CYP4A22: variants seen among roughly 807,000 people sequenced by gnomAD.
CYP4A22 encodes cytochrome P450 4A22.
Under a neutral mutation model 56.2 loss-of-function variants are expected in CYP4A22, and 46 were observed. That is an observed-to-expected ratio of 0.82 (90% CI 0.65 to 1.05). CYP4A22 has a LOEUF of 1.05. Among genes scored for constraint, CYP4A22 ranks in the 50% least tolerant of loss-of-function variants. The probability of loss-of-function intolerance (pLI) is 0.00; values close to 1 mark genes in which losing one functional copy is unlikely to be tolerated. For missense variants in CYP4A22, 541 were observed against 645.9 expected, an observed-to-expected ratio of 0.84 and a Z score of 1.76; for synonymous variants, 193 against 251.1, an observed-to-expected ratio of 0.77 and a Z score of 2.19.
intron 4 of CYP4A22, 97 bp from the exon 5 acceptor site, chr1:47,143,172 G>A: frequency 6.5e-7 from 1 of 1,535,504 alleles, no homozygotes; most frequent in South Asian, 1.3e-5. Flanking sequence ...CAAGCTACAG[G>A]AAAAAACAAG....
chr1:47,146,790 A>G, intron 11 of CYP4A22: 1 of 986,596 alleles, frequency 1.0e-6, no homozygotes, highest in South Asian at 4.7e-5. Flanking sequence ...GTGTTCACAT[A>G]TTTACATCTA....
At chr1:47,146,000 T>C in intron 10 of CYP4A22, 70 bp downstream of exon 10, 1 of 1,614,064 alleles carries the variant, frequency 6.2e-7, no homozygotes, top group Non-Finnish European at 8.5e-7. Flanking sequence ...CTTCCACCTC[T>C]GGGAGTACTG....
rs187300699 is a variant in CYP4A22 at position 47,141,819 on chromosome 1, T to A, written c.382+204T>A. 3.6e-3 allele frequency among the ~76,000 whole-genome samples: 555 copies of A among 152,298 alleles called. 2 individuals are homozygous for A. The highest frequency in any genetic ancestry group is 6.8e-3 in the Non-Finnish European group (463 of 68,020). ...GAGGCTCAGCTTCTTCCATTTCATG[T>A]CTCAGTTCTCTCCAGACATCCTTGG... On this transcript the variant is annotated intron_variant, in intron 3 of 11. Coordinates refer to ENST00000371891, the MANE Select transcript of CYP4A22 (RefSeq NM_001010969.4).
intron 9 of CYP4A22, 117 bp downstream of exon 9, chr1:47,145,087 C>A (rs2405597): frequency 3.4e-6 from 5 of 1,458,126 alleles, no homozygotes; most frequent in Admixed American, 5.1e-5. Flanking sequence ...GTTCTAAAAA[C>A]ATCAAAAACA....
chr1:47,139,185 G>A lies in CYP4A22; in HGVS notation c.195+1505G>A, dbSNP rs568278045. Among the ~76,000 whole-genome samples, 27 of 152,198 alleles carry A rather than the reference G, an allele frequency of 1.8e-4. No individual in the cohort carries two copies. In the South Asian group the frequency reaches 5.6e-3, roughly 32 times the overall value. On this transcript the variant is annotated intron_variant, in intron 1 of 11. Transcript: ENST00000371891. Reference sequence around the variant, plus strand: ...AATTATTTTCTCACTCATATCTATCGGTCAAGGCCCAGCACCAAGCTACCT... The same window carrying A: ...AATTATTTTCTCACTCATATCTATCAGTCAAGGCCCAGCACCAAGCTACCT...
Position 47,137,490 on chromosome 1 carries a change from G to A in CYP4A22, c.5G>A (p.Ser2Asn), listed in dbSNP as rs765156370. 4.3e-6 allele frequency: 7 copies of A among 1,612,166 alleles called. No individual in the cohort carries two copies. The highest frequency in any genetic ancestry group is 5.9e-6 in the Non-Finnish European group (7 of 1,178,832). M[S>N]VSVLSPSRRL... ...AGATCCAGCAGGTGCTGCACCATGA[G>A]TGTCTCTGTCCTGAGCCCCAGCAGA... is the stretch of plus-strand genomic sequence containing the variant. Residue 2 changes from serine to asparagine, a missense_variant, in exon 1 of 12, where the codon AGT (serine) becomes AAT (asparagine). Physicochemically the swap from Ser to Asn is conservative, Grantham distance 46 (BLOSUM62 1). Coordinates refer to ENST00000371891, the MANE Select transcript of CYP4A22 (RefSeq NM_001010969.4).
rs1224603267 is a variant in CYP4A22, at chr1:47,137,469, C to G, written c.-17C>G. 1 of 1,600,400 alleles carries G rather than the reference C, an allele frequency of 6.2e-7. No individual in the cohort carries two copies. The highest frequency in any genetic ancestry group is 1.3e-5 in the African/African-American group (1 of 74,702). ...GAGAGAGGAAGGGGCACTCAGAGATCCAGCAGGTGCTGCACCATGAGTGTC... is the reference window on the plus strand; with the variant it reads ...GAGAGAGGAAGGGGCACTCAGAGATGCAGCAGGTGCTGCACCATGAGTGTC... On this transcript the variant is annotated 5_prime_UTR_variant, in exon 1 of 12. It adds an upstream start codon to the 5' untranslated region. Transcript: ENST00000371891.
At chr1:47,140,562 T>A (rs1169438129) in intron 1 of CYP4A22, among the ~76,000 whole-genome samples, 1 of 152,170 alleles carries the variant, frequency 6.6e-6, no homozygotes, top group Non-Finnish European at 1.5e-5. Flanking sequence ...ATGGCTGACT[T>A]AAATTTCTGC....
intron 11 of CYP4A22, chr1:47,146,627 C>T (rs1318784778): frequency 2.7e-5 from 27 of 1,010,742 alleles, no homozygotes; most frequent in Non-Finnish European, 3.2e-5. Flanking sequence ...GAAATCTTTG[C>T]ATCTGTTTAT....
intron 4 of CYP4A22, among the ~76,000 whole-genome samples, chr1:47,142,673 G>T (rs1038961580): frequency 2.0e-5 from 3 of 152,192 alleles, no homozygotes; most frequent in East Asian, 3.9e-4. Context: ...GCCACCCTGG[G>T]AAGGAAATGA....
chr1:47,149,100 C>G lies in CYP4A22; in HGVS notation c.*303C>G. 3.6e-6 allele frequency: 1 copy of G among 274,872 alleles called. No homozygotes were observed. The highest frequency in any genetic ancestry group is 6.8e-6 in the Non-Finnish European group (1 of 147,516). The allele number at this position is 274,872 out of a possible 1,614,324, so 17.0% of individuals were successfully genotyped here. A position where few individuals can be genotyped will look rare whatever the true frequency, so the allele number is the denominator to read the frequency against. On this transcript the variant is annotated 3_prime_UTR_variant, in exon 12 of 12. Coordinates refer to ENST00000371891, the MANE Select transcript of CYP4A22 (RefSeq NM_001010969.4). The stretch of plus-strand genomic sequence containing the variant: ...ATGTCCAGGATCCAGGGTCTAAAAC[C>G]CCTTGTGGCCTTTGGAACACCAAGC...
Position 47,137,447 on chromosome 1 carries a change from A to G in CYP4A22, c.-39A>G, listed in dbSNP as rs2148551119. The G allele has an allele frequency of 1.3e-6, 2 of 1,581,106 alleles. No homozygotes were observed. Among genetic ancestry groups the G allele is most frequent in the Non-Finnish European group, 1.7e-6 (2 of 1,162,720 alleles). On this transcript the variant is annotated 5_prime_UTR_variant, in exon 1 of 12. Coordinates refer to ENST00000371891, the MANE Select transcript of CYP4A22 (RefSeq NM_001010969.4). ...CACAGGTGGACAGGGGTGGTCAGAG[A>G]GAGGAAGGGGCACTCAGAGATCCAG...
chr1:47,142,138 C>T lies in CYP4A22; in HGVS notation c.413C>T (p.Thr138Ile), dbSNP rs758588354. 3.1e-6 allele frequency: 5 copies of T among 1,613,854 alleles called. No individual in the cohort carries two copies. The highest frequency in any genetic ancestry group is 2.2e-5 in the East Asian group (1 of 44,864). ...GYGLLLLNGQ[T>I]WFQHRRMLTP... ...GGCTTGCTCCTGTTGAATGGGCAGA[C>T]ATGGTTCCAGCATCGACGGATGCTG... Residue 138 changes from threonine to isoleucine, a missense_variant, in exon 4 of 12, where the codon ACA (threonine) becomes ATA (isoleucine). By Grantham distance (89) the Thr-to-Ile change is moderately conservative. Coordinates refer to ENST00000371891, the MANE Select transcript of CYP4A22 (RefSeq NM_001010969.4).
rs1645056182 is a variant in CYP4A22 at position 47,144,730 on chromosome 1, T to C, written c.1078T>C (p.Ser360Pro). The change falls in exon 8 of 12, where the codon TCC becomes CCC. Residue 360 changes from serine (S) to proline (P), a missense_variant. Physicochemically the swap from Ser to Pro is moderately conservative, Grantham distance 74. Coordinates refer to ENST00000371891, the MANE Select transcript of CYP4A22 (RefSeq NM_001010969.4). ...CCATGGCCTCCTGGGTGATGGAGCC[T>C]CCATCACCTGGTGAGTGAGGGCTCA... ...EIHGLLGDGA[S>P]ITWNHLDQMP... 13 of 1,613,902 alleles carry C rather than the reference T, an allele frequency of 8.1e-6. No individual in the cohort carries two copies. The highest frequency in any genetic ancestry group is 1.1e-5 in the Non-Finnish European group (13 of 1,179,888).
chr1:47,139,201 C>A (rs1644979900), intron 1 of CYP4A22, among the ~76,000 whole-genome samples: 1 of 152,208 alleles, frequency 6.6e-6, no homozygotes, highest in Admixed American at 6.5e-5. Context: ...GGCCCAGCAC[C>A]AAGCTACCTT....
At chr1:47,145,695 C>T (rs1461546584) in intron 9 of CYP4A22, among the ~76,000 whole-genome samples, 171 bp from the exon 10 acceptor site, 1 of 152,194 alleles carries the variant, frequency 6.6e-6, no homozygotes, top group Non-Finnish European at 1.5e-5. Context: ...CATCTGAACT[C>T]ACATGCTTTG....
rs199782847 is a variant in CYP4A22 at position 47,146,092 on chromosome 1, C to A, written c.1303C>A (p.Arg435Ser). 6.2e-7 allele frequency: 1 copy of A among 1,614,162 alleles called. No individual in the cohort carries two copies. Among genetic ancestry groups the A allele is most frequent in the Non-Finnish European group, 8.5e-7 (1 of 1,180,030 alleles). Reference protein sequence around the residue: ...WPNLEVFDPSRFAPGSAQHSH... With the variant: ...WPNLEVFDPSSFAPGSAQHSH... ...CTCTCTGCAGGTGTTTGACCCTTCC[C>A]GTTTTGCACCGGGTTCTGCTCAACA... Residue 435 changes from arginine to serine, a missense_variant, in exon 11 of 12, where the codon CGT becomes AGT. By Grantham distance (110) the Arg-to-Ser change is moderately radical. Around this residue, in one of 3 missense-constraint regions of CYP4A22, gnomAD observed 204 missense variants for 258.9 expected, o/e 0.79. Transcript: ENST00000371891.
At chr1:47,140,963 C>A in intron 2 of CYP4A22, 42 bp downstream of exon 2, 2 of 1,610,198 alleles carry the variant, frequency 1.2e-6, no homozygotes, top group South Asian at 2.2e-5. Flanking sequence ...TCTCTTCCCT[C>A]TTGACACATG....
At chr1:47,147,236 T>C (rs1270268622) in intron 11 of CYP4A22, 1 of 985,332 alleles carries the variant, frequency 1.0e-6, no homozygotes, top group African/African-American at 1.7e-5. Context: ...CATGAGGAAG[T>C]CCTTGTAAAC....
Sources: allele counts gnomAD v4.1 joint callset (sites outside exome capture counted in the v4.1 genomes callset), GRCh38; gene constraint gnomAD v4.1.1; regional missense constraint gnomAD v4.1.1; transcripts MANE v1.5; gene names NCBI Gene and HGNC (gene_info 2026-07-23, HGNC 2026-07-21).